CSMD2: variants seen among roughly 807,000 people sequenced by gnomAD.
CSMD2 encodes the protein CUB and Sushi multiple domains 2, also known as CUB and sushi domain-containing protein 2.
Under a neutral mutation model 398.5 loss-of-function variants are expected in CSMD2, and 130 were observed. The observed-to-expected ratio is 0.33, with a 90% confidence interval of 0.28 to 0.38. The LOEUF (loss-of-function observed/expected upper bound fraction) is 0.38, where lower values mean the gene tolerates loss of function less well. CSMD2 is among the 10% of genes least tolerant of loss of function. The pLI is 1.00. For missense variants in CSMD2, 3,829 were observed against 4,764.9 expected, an observed-to-expected ratio of 0.80 and a Z score of 5.78; for synonymous variants, 1,828 against 1,908.5, an observed-to-expected ratio of 0.96 and a Z score of 1.10.
chr1:33,546,597 G>A (rs1435517203), intron 56 of CSMD2, among the ~76,000 whole-genome samples: 1 of 152,124 alleles, frequency 6.6e-6, no homozygotes, highest in Non-Finnish European at 1.5e-5. Flanking sequence ...CACTGTCTTA[G>A]CTTAGACATT....
chr1:33,848,932 C>A (rs951105445), intron 5 of CSMD2, among the ~76,000 whole-genome samples: 4 of 151,466 alleles, frequency 2.6e-5, no homozygotes, highest in Admixed American at 6.6e-5. Context: ...ACCAAAAGCT[C>A]TTTATTGCAA....
intron 10 of CSMD2, among the ~76,000 whole-genome samples, chr1:33,796,529 TCTTTA>T (rs1436978161): frequency 2.0e-5 from 3 of 152,368 alleles, no homozygotes; most frequent in East Asian, 1.9e-4. Flanking sequence ...CTTATGCCTG[TCTTTA>T]CTTTAATCTC....
chr1:33,904,455 G>A (rs554035355), intron 5 of CSMD2, among the ~76,000 whole-genome samples: 10 of 152,222 alleles, frequency 6.6e-5, no homozygotes, highest in Admixed American at 2.6e-4. Context: ...AAGAAATGAC[G>A]GCCCATCTCC....
In CSMD2 at chr1:33,523,561, C is replaced by T. The variant is rs12038835; in HGVS notation, c.10397-142G>A. On this transcript the variant is annotated intron_variant, in intron 66 of 70. Transcript: ENST00000373381. Reference sequence around the variant, plus strand: ...AAACATTCTCCACATCCCTTTAAGTCGTAAGTGTAGTGTTGAGTGTGGGTT... The same window carrying T: ...AAACATTCTCCACATCCCTTTAAGTTGTAAGTGTAGTGTTGAGTGTGGGTT... 87 of 597,530 alleles carry T rather than the reference C, an allele frequency of 1.5e-4. No homozygotes were observed. In the East Asian group the frequency reaches 1.9e-3, roughly 13 times the overall value. The allele number at this position is 597,530 out of a possible 1,614,324, so 37.0% of individuals were successfully genotyped here. A position where few individuals can be genotyped will look rare whatever the true frequency, so the allele number is the denominator to read the frequency against.
rs1392691498 is a variant in CSMD2 at position 34,163,640 on chromosome 1, T to TCAAAACAAAA, written c.187+1261_187+1270dup. On this transcript the variant is annotated intron_variant, in intron 1 of 70. Coordinates refer to ENST00000373381, the MANE Select transcript of CSMD2 (RefSeq NM_001281956.2). The surrounding 1 kb of genome is among the most constrained non-coding windows in gnomAD (Gnocchi z 5.4). The stretch of plus-strand genomic sequence containing the variant: ...GCCTTCAGAGGTTCAATCGGTGGTT[T>TCAAAACAAAA]CAAAACAAAACAAAACAAAACAAAA... Among the ~76,000 whole-genome samples, 1 of 151,398 alleles carries TCAAAACAAAA rather than the reference T, an allele frequency of 6.6e-6. No individual in the cohort carries two copies. Among genetic ancestry groups the TCAAAACAAAA allele is most frequent in the Admixed American group, 6.6e-5 (1 of 15,220 alleles).
intron 5 of CSMD2, among the ~76,000 whole-genome samples, chr1:33,909,594 T>C (rs914352185): frequency 6.6e-6 from 1 of 152,000 alleles, no homozygotes; most frequent in African/African-American, 2.4e-5. Context: ...AGTAGTTTGT[T>C]TGAATGATTG....
chr1:33,775,089 C>T (rs1016366834), intron 12 of CSMD2, among the ~76,000 whole-genome samples: 1 of 152,166 alleles, frequency 6.6e-6, no homozygotes, highest in Non-Finnish European at 1.5e-5. Context: ...AATGGAAGTA[C>T]TAACCTCATC....
chr1:34,137,144 T>C (rs1638833046), intron 1 of CSMD2, among the ~76,000 whole-genome samples: 1 of 151,984 alleles, frequency 6.6e-6, no homozygotes, highest in Admixed American at 6.6e-5. Context: ...CACCTATCCA[T>C]TCTTCCATCA....
chr1:33,572,805 G>T, intron 49 of CSMD2, 114 bp from the exon 50 acceptor site: 1 of 746,382 alleles, frequency 1.3e-6, no homozygotes, highest in Non-Finnish European at 2.0e-6. Context: ...CTAATTAAAG[G>T]GTAAAGTATC....
chr1:33,714,743 C>T lies in CSMD2; in HGVS notation c.3250G>A (p.Val1084Ile). The change falls in exon 21 of 71, where the codon GTC (valine) becomes ATC (isoleucine). Residue 1084 changes from valine to isoleucine, a missense_variant. Coordinates refer to ENST00000373381, the MANE Select transcript of CSMD2 (RefSeq NM_001281956.2). ...CCCTTCCGGATGCTGTAGGCTGGGA[C>T]CTCGGGCTCCTCACAGGGCTCCAAG... ...YDLEPCEEPE[V>I]PAYSIRKGLQ... 1 of 1,614,084 alleles carries T rather than the reference C, an allele frequency of 6.2e-7. No homozygotes were observed. The highest frequency in any genetic ancestry group is 8.5e-7 in the Non-Finnish European group (1 of 1,180,032).
intron 44 of CSMD2, among the ~76,000 whole-genome samples, chr1:33,597,450 G>A (rs1639916347): frequency 6.6e-6 from 1 of 152,142 alleles, no homozygotes; most frequent in South Asian, 2.1e-4. Context: ...CTTGGAGCAG[G>A]AAAGCTGTCT....
chr1:33,845,220 A>T (rs1661239797), intron 6 of CSMD2, among the ~76,000 whole-genome samples: 1 of 152,250 alleles, frequency 6.6e-6, no homozygotes. Flanking sequence ...TTAGAGCTTT[A>T]CAGCTCACAG....
intron 2 of CSMD2, among the ~76,000 whole-genome samples, chr1:34,076,928 A>AAAAAAAAAAATATATATATAT (rs1232288848): frequency 1.9e-5 from 1 of 53,600 alleles, no homozygotes; most frequent in African/African-American, 8.6e-5. Context: ...AAAAAAAAAA[A>AAAAAAAAAAATATATATATAT]ATATATATAT....
intron 29 of CSMD2, among the ~76,000 whole-genome samples, chr1:33,646,246 G>A (rs758434207): frequency 2.6e-5 from 4 of 152,206 alleles, no homozygotes; most frequent in Non-Finnish European, 4.4e-5. Context: ...AAGTTACCCA[G>A]GATGGTGAGA....
intron 54 of CSMD2, among the ~76,000 whole-genome samples, chr1:33,558,903 G>C (rs535846363): frequency 9.9e-5 from 15 of 152,174 alleles, no homozygotes; most frequent in African/African-American, 3.4e-4. Context: ...GCAACCACAA[G>C]GAAAGACCAA....
chr1:34,099,777 C>A (rs1262595342), intron 1 of CSMD2, among the ~76,000 whole-genome samples: 2 of 152,188 alleles, frequency 1.3e-5, no homozygotes, highest in East Asian at 3.8e-4. Context: ...TCTAAATAGT[C>A]CCTCTGGAAG....
rs1233245244 is a variant in CSMD2, at chr1:33,515,722, G to A, written c.*902C>T. Reference sequence around the variant, plus strand: ...CAGGCTTGCTCCCCTGTTCTCTCAAGGACCCTGCTGCTGCCCCCAGACTTG... The same window carrying A: ...CAGGCTTGCTCCCCTGTTCTCTCAAAGACCCTGCTGCTGCCCCCAGACTTG... On this transcript the variant is annotated 3_prime_UTR_variant, in exon 71 of 71. Coordinates refer to ENST00000373381, the MANE Select transcript of CSMD2 (RefSeq NM_001281956.2). The A allele has an allele frequency of 1.3e-5, 2 of 152,156 alleles. No individual in the cohort carries two copies. Among genetic ancestry groups the A allele is most frequent in the Non-Finnish European group, 2.9e-5 (2 of 68,066 alleles). 9.4% of individuals were successfully genotyped at this position (152,156 alleles called of 1,614,324 possible).
At position 33,606,775 on chromosome 1, in the gene CSMD2, C is replaced by T. The variant is rs117317242; in HGVS notation, c.6344-1305G>A. On this transcript the variant is annotated intron_variant, in intron 41 of 70. Transcript: ENST00000373381. ...GCAGCCTTGATGAGAGCAGCTGGGCCTCTCCTACAGGAATCATCTCCAGTG... is the reference window on the plus strand; with the variant it reads ...GCAGCCTTGATGAGAGCAGCTGGGCTTCTCCTACAGGAATCATCTCCAGTG... Among the ~76,000 whole-genome samples the T allele has an allele frequency of 3.7e-4, 57 of 152,278 alleles. 1 individual carries two copies. The East Asian group carries it at 9.7e-3, about 26-fold the overall frequency.
intron 9 of CSMD2, among the ~76,000 whole-genome samples, chr1:33,817,576 G>A (rs1191949150): frequency 6.6e-6 from 1 of 152,214 alleles, no homozygotes; most frequent in Admixed American, 6.5e-5. Context: ...AGAACCTGCA[G>A]CAACTAGAGG....
Sources: gnomAD v4.1 joint callset for allele counts (sites outside exome capture counted in the v4.1 genomes callset) on GRCh38, gnomAD v4.1.1 for gene constraint, Gnocchi (gnomAD v3.1) non-coding constraint, MANE v1.5 for transcripts, NCBI Gene and HGNC (gene_info 2026-07-23, HGNC 2026-07-21) for gene names.